The following SQLE variants were observed in gnomAD, a reference collection of about 807,000 sequenced individuals.
SQLE encodes the protein squalene monooxygenase.
Under a neutral mutation model 60.7 loss-of-function variants are expected in SQLE, and 29 were observed. The observed-to-expected ratio is 0.48, with a 90% CI of 0.36 to 0.65. The LOEUF is 0.65. Ranked by LOEUF, SQLE falls within the 30% of genes least tolerant of loss-of-function variation. The pLI is 0.00. For synonymous variants in SQLE, 237 were observed against 246.8 expected (o/e 0.96, Z 0.37); for missense variants, 605 against 684.1 (o/e 0.88, Z 1.29).
At chr8:125,011,471 AAT>A (rs1416655456) in intron 6 of SQLE, 64 bp from the exon 7 acceptor site, 1 of 1,309,966 alleles carries the variant, frequency 7.6e-7, no homozygotes. Context: ...TTGATAAGAA[AAT>A]ATGTGATACT....
chr8:124,998,916 C>G lies in SQLE; in HGVS notation c.-488C>G, dbSNP rs987043427. ...CCCGTGCCTTCCGGCCGCTGCTCGC[C>G]GTCGCCAGAGGCTAGGCCACGTTTC... is the stretch of plus-strand genomic sequence containing the variant. On this transcript the variant is annotated 5_prime_UTR_variant, in exon 1 of 11. Coordinates refer to ENST00000265896, the MANE Select transcript of SQLE (RefSeq NM_003129.4). 1 of 360,144 alleles carries G rather than the reference C, an allele frequency of 2.8e-6. No individual in the cohort carries two copies. The highest frequency in any genetic ancestry group is 5.0e-6 in the Non-Finnish European group (1 of 201,402). 22.3% of individuals were successfully genotyped at this position (360,144 alleles called of 1,614,324 possible).
intron 6 of SQLE, 55 bp from the exon 7 acceptor site, chr8:125,011,482 C>A: frequency 1.4e-6 from 2 of 1,388,568 alleles, no homozygotes; most frequent in Non-Finnish European, 2.0e-6. Context: ...ATATGTGATA[C>A]TTTGAAATTG....
In SQLE at chr8:125,008,849, A is replaced by G. The variant is rs1342074568; in HGVS notation, c.823-122A>G. The G allele has an allele frequency of 3.7e-5, 22 of 601,466 alleles. No homozygotes were observed. In the East Asian group the frequency reaches 6.5e-4, roughly 18 times the overall value. The allele number at this position is 601,466 out of a possible 1,614,324, so 37.3% of individuals were successfully genotyped here. A position where few individuals can be genotyped will look rare whatever the true frequency, so the allele number is the denominator to read the frequency against. Reference sequence around the variant, plus strand: ...AGTTTCTTCAATAGTATTATCTTCAACTACTCTCTATAATGCTATCTGATA... The same window carrying G: ...AGTTTCTTCAATAGTATTATCTTCAGCTACTCTCTATAATGCTATCTGATA... On this transcript the variant is annotated intron_variant, in intron 4 of 10. Transcript: ENST00000265896.
intron 10 of SQLE, among the ~76,000 whole-genome samples, chr8:125,021,162 GA>G (rs2129915127): frequency 6.6e-6 from 1 of 152,252 alleles, no homozygotes; most frequent in African/African-American, 2.4e-5. Context: ...TGGGAGCCAG[GA>G]ATAATTGAGA....
chr8:125,011,461 T>C, intron 6 of SQLE, 76 bp from the exon 7 acceptor site: 4 of 1,223,388 alleles, frequency 3.3e-6, no homozygotes, highest in Non-Finnish European at 3.5e-6. Flanking sequence ...TTGTTTATAC[T>C]TGATAAGAAA....
intron 10 of SQLE, among the ~76,000 whole-genome samples, chr8:125,021,505 G>A (rs1417662271): frequency 1.4e-5 from 2 of 138,770 alleles, no homozygotes; most frequent in African/African-American, 5.4e-5. Flanking sequence ...TTCTGAAAGG[G>A]ATATATTCTA....
At chr8:125,002,264 A>G (rs1258792275) in intron 1 of SQLE, among the ~76,000 whole-genome samples, 3 of 152,236 alleles carry the variant, frequency 2.0e-5, no homozygotes, top group Non-Finnish European at 2.9e-5. Context: ...TATTTAGATA[A>G]TCTTCAATTA....
intron 1 of SQLE, chr8:125,000,059 A>G (rs976899960): frequency 8.5e-6 from 4 of 472,702 alleles, no homozygotes; most frequent in African/African-American, 7.9e-5. Flanking sequence ...AGGAAGAAAG[A>G]AACGTGCTGC....
At chr8:125,006,896 G>A (rs1462313410) in intron 3 of SQLE, among the ~76,000 whole-genome samples, 4 of 151,764 alleles carry the variant, frequency 2.6e-5, no homozygotes, top group Admixed American at 6.6e-5. Context: ...GTAGAGACGG[G>A]GTTTCACCAT....
At position 125,016,601 on chromosome 8, in the gene SQLE, G is replaced by A. The variant is rs1815115136; in HGVS notation, c.1205-1458G>A. ...TCTGTTACTCTGGGATTGGTCACTG[G>A]TGCCTTATTTATTATTGTTAATTTA... On this transcript the variant is annotated intron_variant, in intron 7 of 10. Coordinates refer to ENST00000265896, the MANE Select transcript of SQLE (RefSeq NM_003129.4). The surrounding 1 kb of genome is among the most constrained non-coding windows in gnomAD (Gnocchi z 4.1). Among the ~76,000 whole-genome samples the A allele has an allele frequency of 6.6e-6, 1 of 152,000 alleles. No homozygotes were observed. The highest frequency in any genetic ancestry group is 2.1e-4 in the South Asian group (1 of 4,818).
In SQLE at chr8:124,999,787, G is replaced by A. The variant is rs144960703; in HGVS notation, c.291+93G>A. On this transcript the variant is annotated intron_variant, in intron 1 of 10. Transcript: ENST00000265896. ...AAGTTTTATTTGAATTGCAAAAGGC[G>A]GCAGGTTAGATGCTTGTATACATTC... is the stretch of plus-strand genomic sequence containing the variant. The A allele has an allele frequency of 3.5e-3, 4,958 of 1,417,646 alleles. 14 individuals carry two copies. Among genetic ancestry groups the A allele is most frequent in the Non-Finnish European group, 4.1e-3 (4,375 of 1,071,302 alleles). 87.8% of individuals were successfully genotyped at this position (1,417,646 alleles called of 1,614,324 possible). A position where few individuals can be genotyped will look rare whatever the true frequency, so the allele number is the denominator to read the frequency against.
At chr8:125,004,458 A>C (rs1037814112) in intron 2 of SQLE, among the ~76,000 whole-genome samples, 1 of 152,092 alleles carries the variant, frequency 6.6e-6, no homozygotes, top group African/African-American at 2.4e-5. Flanking sequence ...TATATTTTCT[A>C]AAATATAATA....
rs1454436462 is a variant in SQLE at position 125,017,942 on chromosome 8, A to G, written c.1205-117A>G. 2.5e-6 allele frequency: 3 copies of G among 1,214,174 alleles called. No individual in the cohort carries two copies. In the Admixed American group the frequency reaches 7.9e-5, roughly 32 times the overall value. 75.2% of individuals were successfully genotyped at this position (1,214,174 alleles called of 1,614,324 possible). ...TTTTAATCATGATTTGTTTTCATGT[A>G]TTTTCACATTTTTCTTATTATTAGC... is the stretch of plus-strand genomic sequence containing the variant. On this transcript the variant is annotated intron_variant, in intron 7 of 10. Coordinates refer to ENST00000265896, the MANE Select transcript of SQLE (RefSeq NM_003129.4).
At chr8:125,018,748 GT>G (rs1815151286) in intron 9 of SQLE, 21 bp downstream of exon 9, 1 of 1,477,000 alleles carries the variant, frequency 6.8e-7, no homozygotes, top group African/African-American at 1.4e-5. Context: ...ACACTTTTTA[GT>G]GAATATTACT....
At position 125,006,945 on chromosome 8, in the gene SQLE, C is replaced by T. The variant is rs551276598; in HGVS notation, c.726-446C>T. Among the ~76,000 whole-genome samples, 199 of 152,108 alleles carry T rather than the reference C, an allele frequency of 1.3e-3. 1 individual carries two copies. The highest frequency in any genetic ancestry group is 4.3e-3 in the African/African-American group (177 of 41,530). On this transcript the variant is annotated intron_variant, in intron 3 of 10. Coordinates refer to ENST00000265896, the MANE Select transcript of SQLE (RefSeq NM_003129.4). ...GCCTTGATCTCCTGACCTTGTGATC[C>T]GCCCACCTTGGCCTCCCAAAGTTCT... is the stretch of plus-strand genomic sequence containing the variant.
intron 6 of SQLE, among the ~76,000 whole-genome samples, chr8:125,010,654 T>C (rs983276080): frequency 6.6e-6 from 1 of 152,164 alleles, no homozygotes; most frequent in African/African-American, 2.4e-5. Context: ...TAAATTTTCA[T>C]TTAGTTAAGC....
At chr8:125,013,074 T>C (rs28813096) in intron 7 of SQLE, among the ~76,000 whole-genome samples, 2,397 of 152,320 alleles carry the variant, frequency 0.016, 72 homozygotes, top group African/African-American at 0.054. Flanking sequence ...ATTTAGACTT[T>C]GCATATTTTT....
chr8:125,020,972 T>C (rs1586321707), intron 10 of SQLE, 101 bp downstream of exon 10: 1 of 801,648 alleles, frequency 1.2e-6, no homozygotes, highest in African/African-American at 1.7e-5. Flanking sequence ...CATTTTGATA[T>C]TTTATTATCT....
Position 124,999,656 on chromosome 8 carries a change from C to G in SQLE, c.253C>G (p.Pro85Ala), listed in dbSNP as rs1373056716. The G allele has an allele frequency of 1.9e-6, 3 of 1,608,282 alleles. No homozygotes were observed. Among genetic ancestry groups the G allele is most frequent in the Non-Finnish European group, 2.5e-6 (3 of 1,177,126 alleles). The change falls in exon 1 of 11, where the codon CCT (proline) becomes GCT (alanine). Residue 85 changes from proline to alanine, a missense_variant. Pro to Ala is a conservative substitution (Grantham distance 27). Transcript: ENST00000265896. ...FIGFFWAKSP[P>A]ESENKEQLEA... is the part of the protein sequence containing the mutation. ...TGGCTTCTTCTGGGCCAAATCCCCC[C>G]CTGAATCAGAAAATAAGGAGCAGCT...
Sources: allele counts gnomAD v4.1 joint callset (sites outside exome capture counted in the v4.1 genomes callset), GRCh38; gene constraint gnomAD v4.1.1; non-coding constraint Gnocchi (gnomAD v3.1); transcripts MANE v1.5; gene names NCBI Gene and HGNC (gene_info 2026-07-23, HGNC 2026-07-21).